The following KCNQ3 variants were observed in gnomAD, a reference collection of about 807,000 sequenced individuals.
KCNQ3 encodes the protein potassium voltage-gated channel subfamily KQT member 3.
KCNQ3 carries 30 observed loss-of-function variants against 92.5 expected under a neutral mutation model. That is an observed-to-expected ratio of 0.32 (90% CI 0.24 to 0.44). The LOEUF is 0.44. Among genes scored for constraint, KCNQ3 ranks in the 20% least tolerant of loss-of-function variants. The probability of loss-of-function intolerance (pLI) is 1.00; values close to 1 mark genes in which losing one functional copy is unlikely to be tolerated. For missense variants in KCNQ3, 913 were observed against 1,140.3 expected, an observed-to-expected ratio of 0.80 and a Z score of 2.87; for synonymous variants, 450 against 468.8, an observed-to-expected ratio of 0.96 and a Z score of 0.52.
At chr8:132,281,446 A>AT (rs1362853087) in intron 1 of KCNQ3, among the ~76,000 whole-genome samples, 1 of 152,252 alleles carries the variant, frequency 6.6e-6, no homozygotes, top group East Asian at 1.9e-4. Flanking sequence ...TATACTTGGA[A>AT]TATATATACA....
chr8:132,287,967 CAA>C (rs1400929760), intron 1 of KCNQ3, among the ~76,000 whole-genome samples: 1 of 152,132 alleles, frequency 6.6e-6, no homozygotes, highest in African/African-American at 2.4e-5. Flanking sequence ...AAAAAATTGA[CAA>C]AGTCATATTT....
At position 132,171,454 on chromosome 8, in the gene KCNQ3, A is replaced by G. The variant is rs576495627; in HGVS notation, c.1141-1026T>C. Among the ~76,000 whole-genome samples, 3 of 152,268 alleles carry G rather than the reference A, an allele frequency of 2.0e-5. No individual in the cohort carries two copies. In the East Asian group the frequency reaches 5.8e-4, roughly 29 times the overall value. ...ATCCTCCAATAACCCATTAAAACAA[A>G]GCAGGAACTCCCTCTGAAATATAAG... On this transcript the variant is annotated intron_variant, in intron 7 of 14. Transcript: ENST00000388996.
At chr8:132,241,172 A>G (rs1216836871) in intron 1 of KCNQ3, among the ~76,000 whole-genome samples, 1 of 152,090 alleles carries the variant, frequency 6.6e-6, no homozygotes, top group Non-Finnish European at 1.5e-5. Context: ...TACAGGTGTG[A>G]GCCACCGTGC....
chr8:132,368,667 G>A (rs1049091901), intron 1 of KCNQ3, among the ~76,000 whole-genome samples: 3 of 151,634 alleles, frequency 2.0e-5, no homozygotes, highest in African/African-American at 7.3e-5. Flanking sequence ...AAAAAGAAAA[G>A]AAAAGAAAAA....
chr8:132,473,370 C>T (rs1302490348), intron 1 of KCNQ3, among the ~76,000 whole-genome samples: 1 of 152,180 alleles, frequency 6.6e-6, no homozygotes, highest in African/African-American at 2.4e-5. Flanking sequence ...TAAGATACTG[C>T]TGGAGGGATT....
At chr8:132,479,567 A>C (rs1822494381) in intron 1 of KCNQ3, among the ~76,000 whole-genome samples, 1 of 152,012 alleles carries the variant, frequency 6.6e-6, no homozygotes, top group African/African-American at 2.4e-5. Flanking sequence ...TCCCAGTCAG[A>C]GCAGCACCAG....
intron 4 of KCNQ3, among the ~76,000 whole-genome samples, chr8:132,177,136 G>A (rs1826584694): frequency 6.6e-6 from 1 of 152,158 alleles, no homozygotes. Context: ...CAAGTCAGAA[G>A]TTTCATCTGG....
At chr8:132,417,854 GA>G (rs1276271327) in intron 1 of KCNQ3, among the ~76,000 whole-genome samples, 2 of 152,130 alleles carry the variant, frequency 1.3e-5, no homozygotes, top group Admixed American at 6.5e-5. Flanking sequence ...ACAACAACAG[GA>G]AAAAAACGTT....
chr8:132,327,121 C>T (rs1298331886), intron 1 of KCNQ3, among the ~76,000 whole-genome samples: 1 of 152,148 alleles, frequency 6.6e-6, no homozygotes, highest in Non-Finnish European at 1.5e-5. Flanking sequence ...TGTCTATGTG[C>T]AAGGCATGGA....
At chr8:132,325,021 A>G (rs566470622) in intron 1 of KCNQ3, among the ~76,000 whole-genome samples, 71 of 151,650 alleles carry the variant, frequency 4.7e-4, no homozygotes, top group African/African-American at 1.6e-3. Flanking sequence ...AAAATAAATC[A>G]GGGCAGCTTG....
rs562083051 is a variant in KCNQ3 at position 132,204,176 on chromosome 8, G to A, written c.387-17995C>T. Among the ~76,000 whole-genome samples, 7 of 152,304 alleles carry A rather than the reference G, an allele frequency of 4.6e-5. No homozygotes were observed. The East Asian group carries it at 1.4e-3, about 29-fold the overall frequency. The stretch of plus-strand genomic sequence containing the variant: ...GTAGGTAAAAGTTCTTTATAATCAA[G>A]TCCTTGAGGACAAACCCTTTTAAAC... On this transcript the variant is annotated intron_variant, in intron 1 of 14. Transcript: ENST00000388996.
chr8:132,312,498 G>A (rs1407198367), intron 1 of KCNQ3, among the ~76,000 whole-genome samples: 3 of 151,944 alleles, frequency 2.0e-5, no homozygotes, highest in Non-Finnish European at 4.4e-5. Flanking sequence ...TCAAGTGCAG[G>A]GGGTTGAGGT....
Position 132,273,025 on chromosome 8 carries a change from G to A in KCNQ3, c.387-86844C>T, listed in dbSNP as rs977385778. On this transcript the variant is annotated intron_variant, in intron 1 of 14. Coordinates refer to ENST00000388996, the MANE Select transcript of KCNQ3 (RefSeq NM_004519.4). ...AATCAAAAGCAATTTCCAGGCCCACGGTGCAAGCTGTAGGTGGATCTACCA... is the reference window on the plus strand; with the variant it reads ...AATCAAAAGCAATTTCCAGGCCCACAGTGCAAGCTGTAGGTGGATCTACCA... Among the ~76,000 whole-genome samples, 13 of 152,058 alleles carry A rather than the reference G, an allele frequency of 8.5e-5. No homozygotes were observed. The East Asian group carries it at 1.7e-3, about 20-fold the overall frequency.
At chr8:132,371,536 T>C (rs988547857) in intron 1 of KCNQ3, among the ~76,000 whole-genome samples, 3 of 152,204 alleles carry the variant, frequency 2.0e-5, no homozygotes, top group Admixed American at 2.0e-4. Flanking sequence ...AAATACAACC[T>C]ATGGCTACCT....
intron 1 of KCNQ3, among the ~76,000 whole-genome samples, chr8:132,445,688 A>G (rs936664796): frequency 1.5e-5 from 2 of 129,438 alleles, no homozygotes; most frequent in East Asian, 5.4e-4. Flanking sequence ...AAAACACACA[A>G]AAAATCATTA....
intron 1 of KCNQ3, among the ~76,000 whole-genome samples, chr8:132,421,446 A>T (rs943424943): frequency 6.6e-6 from 1 of 152,160 alleles, no homozygotes; most frequent in Non-Finnish European, 1.5e-5. Context: ...GGCAGGAAAC[A>T]TTTTTAAAAG....
At chr8:132,443,292 G>A (rs770758426) in intron 1 of KCNQ3, among the ~76,000 whole-genome samples, 1 of 151,706 alleles carries the variant, frequency 6.6e-6, no homozygotes, top group Non-Finnish European at 1.5e-5. Context: ...CGGTGGCCCA[G>A]GAGTATTCGC....
At chr8:132,429,483 T>C (rs1395445081) in intron 1 of KCNQ3, among the ~76,000 whole-genome samples, 3 of 152,212 alleles carry the variant, frequency 2.0e-5, no homozygotes, top group African/African-American at 7.2e-5. Flanking sequence ...ATACATGCAT[T>C]ATTCTCTTAA....
At chr8:132,131,964 T>C (rs962969523) in intron 14 of KCNQ3, among the ~76,000 whole-genome samples, 5 of 152,034 alleles carry the variant, frequency 3.3e-5, no homozygotes, top group African/African-American at 1.2e-4. Context: ...GGCAGGCGCC[T>C]GTAATCTCAG....
Sources: allele counts gnomAD v4.1 joint callset (sites outside exome capture counted in the v4.1 genomes callset), GRCh38; gene constraint gnomAD v4.1.1; transcripts MANE v1.5; gene names NCBI Gene and HGNC (gene_info 2026-07-23, HGNC 2026-07-21).